KCTD8: variants seen among roughly 807,000 people sequenced by gnomAD.
KCTD8 encodes the protein BTB/POZ domain-containing protein KCTD8.
In KCTD8, 27 loss-of-function variants were observed where a neutral mutation model predicts 31.5. That is an observed-to-expected ratio of 0.86 (90% CI 0.63 to 1.18). The LOEUF (loss-of-function observed/expected upper bound fraction) is 1.18. Among genes scored for constraint, KCTD8 ranks in the 50% most tolerant of loss-of-function variants. KCTD8 has a pLI of 0.00. For synonymous variants in KCTD8, 290 were observed against 280.0 expected (o/e 1.04, Z -0.36); for missense variants, 658 against 647.7 (o/e 1.02, Z -0.17).
At chr4:44,312,518 G>T (rs1292144628) in intron 1 of KCTD8, among the ~76,000 whole-genome samples, 1 of 151,890 alleles carries the variant, frequency 6.6e-6, no homozygotes, top group Non-Finnish European at 1.5e-5. Context: ...CTGAAAAAAA[G>T]CAATAGAGAA....
At chr4:44,321,481 T>A (rs1251910022) in intron 1 of KCTD8, among the ~76,000 whole-genome samples, 1 of 152,138 alleles carries the variant, frequency 6.6e-6, no homozygotes, top group South Asian at 2.1e-4. Context: ...TTTTTTGATA[T>A]ATCATAATAG....
intron 1 of KCTD8, among the ~76,000 whole-genome samples, chr4:44,186,398 T>G (rs947272189): frequency 1.3e-5 from 2 of 152,208 alleles, no homozygotes; most frequent in African/African-American, 2.4e-5. Flanking sequence ...CTTGCACTCA[T>G]GCTCCAAGCC....
intron 1 of KCTD8, among the ~76,000 whole-genome samples, chr4:44,261,766 T>C (rs1716189656): frequency 6.6e-6 from 1 of 152,066 alleles, no homozygotes; most frequent in African/African-American, 2.4e-5. Context: ...CAGGATTTCT[T>C]TCTTTTTTAT....
chr4:44,375,919 G>T, intron 1 of KCTD8, among the ~76,000 whole-genome samples: 1 of 151,202 alleles, frequency 6.6e-6, no homozygotes, highest in East Asian at 2.0e-4. Flanking sequence ...CTCAGCAAGG[G>T]TTGGAGGAAG....
intron 1 of KCTD8, among the ~76,000 whole-genome samples, chr4:44,361,054 G>A (rs1014988209): frequency 6.6e-6 from 1 of 151,808 alleles, no homozygotes; most frequent in African/African-American, 2.4e-5. Context: ...CTAATCTCAA[G>A]CACAGTGAGA....
chr4:44,287,545 C>A (rs968396337), intron 1 of KCTD8, among the ~76,000 whole-genome samples: 1 of 152,176 alleles, frequency 6.6e-6, no homozygotes, highest in Non-Finnish European at 1.5e-5. Context: ...GCACCAAACT[C>A]AATTTTTAAA....
At chr4:44,253,587 G>GA (rs1715905256) in intron 1 of KCTD8, among the ~76,000 whole-genome samples, 1 of 151,672 alleles carries the variant, frequency 6.6e-6, no homozygotes, top group African/African-American at 2.4e-5. Flanking sequence ...TTGGAATCCA[G>GA]ATACCATATA....
At position 44,235,555 on chromosome 4, in the gene KCTD8, A is replaced by T. The variant is rs1437828163; in HGVS notation, c.962-60305T>A. ...TATATATATATATATATATATATAT[A>T]TATATATATATATATATATATTTAG... On this transcript the variant is annotated intron_variant, in intron 1 of 1. Transcript: ENST00000360029. Among the ~76,000 whole-genome samples the T allele has an allele frequency of 6.7e-3, 591 of 87,572 alleles. 6 individuals are homozygous for T. Among genetic ancestry groups the T allele is most frequent in the African/African-American group, 0.032 (557 of 17,350 alleles). 57.5% of individuals were successfully genotyped at this position (87,572 alleles called of 152,430 possible). A position where few individuals can be genotyped will look rare whatever the true frequency, so the allele number is the denominator to read the frequency against.
intron 1 of KCTD8, among the ~76,000 whole-genome samples, chr4:44,333,190 A>G (rs1243251498): frequency 2.2e-5 from 3 of 134,360 alleles, no homozygotes; most frequent in African/African-American, 8.3e-5. Context: ...AGACTTTGGA[A>G]AAGACTGTGT....
chr4:44,196,597 G>A (rs1713948378), intron 1 of KCTD8, among the ~76,000 whole-genome samples: 1 of 152,156 alleles, frequency 6.6e-6, no homozygotes, highest in African/African-American at 2.4e-5. Flanking sequence ...TCCATCAAAG[G>A]AGTAAGAGAA....
intron 1 of KCTD8, among the ~76,000 whole-genome samples, chr4:44,352,831 G>A (rs1278687831): frequency 6.6e-6 from 1 of 151,768 alleles, no homozygotes; most frequent in Non-Finnish European, 1.5e-5. Context: ...CCTGAAGTAG[G>A]TATTCAATCT....
chr4:44,441,847 A>T, intron 1 of KCTD8, among the ~76,000 whole-genome samples: 1 of 152,238 alleles, frequency 6.6e-6, no homozygotes, highest in East Asian at 1.9e-4. Context: ...TGTACCTTGA[A>T]ATAATCAAAT....
chr4:44,447,801 G>C lies in KCTD8; in HGVS notation c.723C>G (p.Ile241Met). The C allele has an allele frequency of 6.2e-7, 1 of 1,606,050 alleles. No individual in the cohort carries two copies. Among genetic ancestry groups the C allele is most frequent in the African/African-American group, 1.3e-5 (1 of 74,898 alleles). ...RVARIMVCGR[I>M]ALAKEVFGDT... ...CCCCGAAGACCTCCTTGGCCAGCGC[G>C]ATGCGCCCGCACACCATGATGCGCG... The change falls in exon 1 of 2, where the codon ATC (isoleucine) becomes ATG (methionine). Residue 241 changes from isoleucine (I) to methionine (M), a missense_variant. By Grantham distance (10) the Ile-to-Met change is conservative. Transcript: ENST00000360029.
At chr4:44,428,398 G>A (rs762553505) in intron 1 of KCTD8, among the ~76,000 whole-genome samples, 3 of 151,652 alleles carry the variant, frequency 2.0e-5, no homozygotes, top group Non-Finnish European at 4.4e-5. Context: ...TGGCGTAGAA[G>A]TCAGGAGCCT....
At chr4:44,414,286 A>G (rs1221300595) in intron 1 of KCTD8, among the ~76,000 whole-genome samples, 1 of 152,166 alleles carries the variant, frequency 6.6e-6, no homozygotes, top group Non-Finnish European at 1.5e-5. Context: ...TGATTATTAG[A>G]AAAGTATACT....
intron 1 of KCTD8, among the ~76,000 whole-genome samples, chr4:44,284,040 T>C (rs906017618): frequency 2.4e-4 from 37 of 152,082 alleles, no homozygotes; most frequent in African/African-American, 8.2e-4. Context: ...ATGGTGAAAA[T>C]GACCTTACTG....
intron 1 of KCTD8, among the ~76,000 whole-genome samples, chr4:44,436,519 A>T (rs1057045338): frequency 6.6e-6 from 1 of 152,124 alleles, no homozygotes; most frequent in African/African-American, 2.4e-5. Flanking sequence ...AAATATGATT[A>T]TGAATGATGT....
intron 1 of KCTD8, among the ~76,000 whole-genome samples, chr4:44,347,875 T>C (rs1198533946): frequency 6.6e-6 from 1 of 152,158 alleles, no homozygotes; most frequent in Admixed American, 6.6e-5. Flanking sequence ...AATAATTAGA[T>C]ACATTTATAG....
intron 1 of KCTD8, among the ~76,000 whole-genome samples, chr4:44,347,527 G>A (rs1422082349): frequency 6.6e-6 from 1 of 152,204 alleles, no homozygotes; most frequent in Admixed American, 6.5e-5. Flanking sequence ...GAAATCCCTC[G>A]GTTTGCTCCT....
Sources: gnomAD v4.1 joint callset for allele counts (sites outside exome capture counted in the v4.1 genomes callset) on GRCh38, gnomAD v4.1.1 for gene constraint, MANE v1.5 for transcripts, NCBI Gene and HGNC (gene_info 2026-07-23, HGNC 2026-07-21) for gene names.